The following DNAH14 variants were observed in gnomAD, a reference collection of about 807,000 sequenced individuals.
DNAH14 encodes dynein axonemal heavy chain 14, also known as axonemal beta dynein heavy chain 14.
DNAH14 carries 478 observed loss-of-function variants against 520.9 expected under a neutral mutation model. The observed-to-expected ratio is 0.92, with a 90% confidence interval of 0.85 to 0.99. DNAH14 has a LOEUF of 0.99. Ranked by LOEUF, DNAH14 falls within the 50% of genes least tolerant of loss-of-function variation. The probability of loss-of-function intolerance (pLI) is 0.00; values close to 1 mark genes in which losing one functional copy is unlikely to be tolerated. For synonymous variants in DNAH14, 1,581 were observed against 1,757.2 expected (o/e 0.90, Z 2.51); for missense variants, 4,831 against 5,234.5 (o/e 0.92, Z 2.38).
chr1:225,012,022 G>A (rs1166232001), intron 10 of DNAH14, among the ~76,000 whole-genome samples: 1 of 152,074 alleles, frequency 6.6e-6, no homozygotes, highest in Non-Finnish European at 1.5e-5. Flanking sequence ...TTGCCCATTA[G>A]TTGATGCAGT....
intron 17 of DNAH14, among the ~76,000 whole-genome samples, chr1:225,062,073 TGGAATGC>T (rs2070215153): frequency 7.6e-5 from 1 of 13,176 alleles, no homozygotes; most frequent in East Asian, 2.4e-3. Context: ...CCGAGGCGGA[TGGAATGC>T]TTGAGCTGAA....
At chr1:225,089,442 C>CAAAAAAAAAAAAA (rs1169182387) in intron 21 of DNAH14, among the ~76,000 whole-genome samples, 1 of 29,898 alleles carries the variant, frequency 3.3e-5, no homozygotes, top group Non-Finnish European at 6.3e-5. Context: ...AAAACTCCGT[C>CAAAAAAAAAAAAA]AAAAAAAAAA....
At chr1:225,157,606 A>G (rs1185754415) in intron 34 of DNAH14, among the ~76,000 whole-genome samples, 4 of 152,116 alleles carry the variant, frequency 2.6e-5, no homozygotes, top group African/African-American at 4.8e-5. Context: ...CTCCATATCT[A>G]TATTTAACAC....
intron 84 of DNAH14, among the ~76,000 whole-genome samples, chr1:225,395,144 G>C (rs2095988792): frequency 6.6e-6 from 1 of 152,136 alleles, no homozygotes; most frequent in Non-Finnish European, 1.5e-5. Context: ...AAGAATGGAA[G>C]CTAAATGTGA....
intron 6 of DNAH14, among the ~76,000 whole-genome samples, chr1:224,968,447 T>C (rs933279796): frequency 1.3e-4 from 20 of 152,112 alleles, no homozygotes; most frequent in Non-Finnish European, 4.4e-5. Context: ...TTATAGAAAA[T>C]GTAAAAATTA....
chr1:225,255,485 A>G (rs951316035), intron 44 of DNAH14, among the ~76,000 whole-genome samples: 5 of 152,140 alleles, frequency 3.3e-5, no homozygotes, highest in Non-Finnish European at 5.9e-5. Context: ...GTGAAGGTGA[A>G]CTGGATTAAA....
At chr1:225,114,241 C>T (rs754169684) in intron 23 of DNAH14, among the ~76,000 whole-genome samples, 2 of 152,150 alleles carry the variant, frequency 1.3e-5, no homozygotes, top group Non-Finnish European at 2.9e-5. Context: ...TTCAAGGCAG[C>T]AGGTTCCCTT....
chr1:225,338,018 T>C lies in DNAH14; in HGVS notation c.10312-43T>C, dbSNP rs2095096760. 6 of 1,488,384 alleles carry C rather than the reference T, an allele frequency of 4.0e-6. No homozygotes were observed. In the East Asian group the frequency reaches 1.5e-4, roughly 37 times the overall value. The allele number at this position is 1,488,384 out of a possible 1,614,324, so 92.2% of individuals were successfully genotyped here. A position where few individuals can be genotyped will look rare whatever the true frequency, so the allele number is the denominator to read the frequency against. On this transcript the variant is annotated intron_variant, in intron 67 of 85. Transcript: ENST00000682510. ...CTGCTTTTTTTTTTCAACCAATTTG[T>C]TTTAAGATGATTTTTCTTATTTTTG...
chr1:225,305,040 A>G lies in DNAH14; in HGVS notation c.8956A>G (p.Thr2986Ala). ...TPNSYLQFME[T>A]FAHILRAREE... ...CAATAGCTACTTGCAATTTATGGAAACATTTGCACACATTTTGAGGGCACG... is the reference window on the plus strand; with the variant it reads ...CAATAGCTACTTGCAATTTATGGAAGCATTTGCACACATTTTGAGGGCACG... Residue 2986 changes from threonine to alanine, a missense_variant, in exon 58 of 86, where the codon ACA (threonine) becomes GCA (alanine). By Grantham distance (58) the Thr-to-Ala change is moderately conservative. Coordinates refer to ENST00000682510, the MANE Select transcript of DNAH14 (RefSeq NM_001367479.1). 1 of 1,542,034 alleles carries G rather than the reference A, an allele frequency of 6.5e-7. No homozygotes were observed. Among genetic ancestry groups the G allele is most frequent in the East Asian group, 2.5e-5 (1 of 40,788 alleles).
At chr1:225,330,126 G>A (rs1023892152) in intron 64 of DNAH14, among the ~76,000 whole-genome samples, 1 of 152,096 alleles carries the variant, frequency 6.6e-6, no homozygotes, top group African/African-American at 2.4e-5. Flanking sequence ...TAATTAAAAT[G>A]GCTTTTATCC....
chr1:225,163,300 C>T (rs1252997932), intron 35 of DNAH14, among the ~76,000 whole-genome samples: 1 of 152,110 alleles, frequency 6.6e-6, no homozygotes, highest in Non-Finnish European at 1.5e-5. Context: ...ATATCATCTG[C>T]AAGCAATGAT....
chr1:225,362,434 G>A (rs1268742609), intron 75 of DNAH14, among the ~76,000 whole-genome samples: 1 of 152,058 alleles, frequency 6.6e-6, no homozygotes, highest in Admixed American at 6.6e-5. Flanking sequence ...AATTAGCCGG[G>A]CGTGGTGGCA....
At chr1:225,124,101 A>G (rs989703479) in intron 27 of DNAH14, among the ~76,000 whole-genome samples, 32 of 152,160 alleles carry the variant, frequency 2.1e-4, no homozygotes, top group Admixed American at 1.3e-3. Flanking sequence ...AAAAATGTGC[A>G]TGCCTTAATT....
chr1:225,037,526 C>T (rs2067078115), intron 11 of DNAH14, among the ~76,000 whole-genome samples: 1 of 152,092 alleles, frequency 6.6e-6, no homozygotes, highest in Admixed American at 6.5e-5. Context: ...AATCTCTATA[C>T]GTAATCTCCT....
At chr1:225,390,387 G>A (rs1558612611) in intron 83 of DNAH14, among the ~76,000 whole-genome samples, 1 of 152,182 alleles carries the variant, frequency 6.6e-6, no homozygotes, top group Non-Finnish European at 1.5e-5. Context: ...GGGGTGGAAA[G>A]AGAGTTGTAA....
At chr1:225,323,767 G>A (rs995716449) in intron 62 of DNAH14, among the ~76,000 whole-genome samples, 9 of 151,604 alleles carry the variant, frequency 5.9e-5, no homozygotes, top group Non-Finnish European at 8.8e-5. Context: ...AGCCACTAGC[G>A]TCATTTTTGT....
At chr1:224,935,492 A>G (rs1399266272) in intron 1 of DNAH14, among the ~76,000 whole-genome samples, 1 of 152,044 alleles carries the variant, frequency 6.6e-6, no homozygotes, top group East Asian at 1.9e-4. Context: ...AGGTCGTTAT[A>G]TAATGATAAA....
At chr1:225,161,837 C>T (rs1371831151) in intron 35 of DNAH14, among the ~76,000 whole-genome samples, 1 of 152,046 alleles carries the variant, frequency 6.6e-6, no homozygotes, top group African/African-American at 2.4e-5. Flanking sequence ...ATCTTTTGTC[C>T]ACTTTTTATT....
intron 11 of DNAH14, among the ~76,000 whole-genome samples, chr1:225,035,499 GT>G (rs34977027): frequency 0.044 from 6,507 of 149,276 alleles, 412 homozygotes; most frequent in African/African-American, 0.14. Context: ...TTTATTTGAA[GT>G]TTTTTTTTGT....
Sources: allele counts gnomAD v4.1 joint callset (sites outside exome capture counted in the v4.1 genomes callset), GRCh38; gene constraint gnomAD v4.1.1; transcripts MANE v1.5; gene names NCBI Gene and HGNC (gene_info 2026-07-23, HGNC 2026-07-21).